The following PACRG variants were observed in gnomAD, a reference collection of about 807,000 sequenced individuals.
The protein encoded by PACRG is parkin coregulated, also known as parkin coregulated gene protein.
PACRG carries 29 observed loss-of-function variants against 29.7 expected under a neutral mutation model. The ratio of observed to expected loss-of-function variants is 0.98; its 90% CI spans 0.73 to 1.33. The LOEUF (loss-of-function observed/expected upper bound fraction) is 1.33, where lower values mean the gene tolerates loss of function less well. Ranked by LOEUF, PACRG falls within the 40% of genes most tolerant of loss-of-function variation. The pLI is 0.00. For synonymous variants in PACRG, 116 were observed against 118.7 expected, an observed-to-expected ratio of 0.98 and a Z score of 0.15; for missense variants, 279 against 316.2, an observed-to-expected ratio of 0.88 and a Z score of 0.89.
In PACRG at chr6:163,109,543, ATCTT is replaced by A. The variant is rs780272098; in HGVS notation, c.613+20137_613+20140del. Reference sequence around the variant, plus strand: ...CCTTTCTTCCTTTTGAAATATTTCTATCTTTATAATCTCTTAACATTATCTGAGT... The same window carrying A: ...CCTTTCTTCCTTTTGAAATATTTCTATATAATCTCTTAACATTATCTGAGT... On this transcript the variant is annotated intron_variant, in intron 4 of 4. Transcript: ENST00000366888. 2.0e-5 allele frequency among the ~76,000 whole-genome samples: 3 copies of A among 152,192 alleles called. No individual in the cohort carries two copies. In the East Asian group the frequency reaches 5.8e-4, roughly 29 times the overall value.
chr6:163,277,675 G>GTATCTA (rs890258580), intron 4 of PACRG, among the ~76,000 whole-genome samples: 19 of 146,216 alleles, frequency 1.3e-4, no homozygotes, highest in South Asian at 6.3e-4. Flanking sequence ...ATATATATCT[G>GTATCTA]TATCTATATC....
At chr6:163,005,107 T>G (rs1223054906) in intron 2 of PACRG, among the ~76,000 whole-genome samples, 1 of 152,074 alleles carries the variant, frequency 6.6e-6, no homozygotes, top group Non-Finnish European at 1.5e-5. Context: ...TCTTAATAAC[T>G]TCTCTTATTA....
At chr6:162,861,162 C>A (rs185024119) in intron 2 of PACRG, among the ~76,000 whole-genome samples, 27 of 152,314 alleles carry the variant, frequency 1.8e-4, no homozygotes, top group Non-Finnish European at 3.4e-4. Context: ...TAACTTCATA[C>A]ACATGCAAAG....
intron 1 of PACRG, among the ~76,000 whole-genome samples, chr6:162,813,657 T>C (rs1291307501): frequency 1.3e-5 from 2 of 152,170 alleles, no homozygotes; most frequent in Non-Finnish European, 2.9e-5. Flanking sequence ...TATATCATTT[T>C]AGTAGTTTTA....
At chr6:163,149,703 A>G (rs914900098) in intron 4 of PACRG, among the ~76,000 whole-genome samples, 56 of 151,922 alleles carry the variant, frequency 3.7e-4, no homozygotes, top group African/African-American at 1.2e-3. Flanking sequence ...CGCAGCCCCA[A>G]CCCAACACCT....
At chr6:162,801,425 C>T (rs1401354382) in intron 1 of PACRG, among the ~76,000 whole-genome samples, 2 of 152,004 alleles carry the variant, frequency 1.3e-5, no homozygotes, top group Non-Finnish European at 2.9e-5. Context: ...CTACATATTA[C>T]TATCTTATAC....
chr6:163,225,892 A>G (rs1661232475), intron 4 of PACRG, among the ~76,000 whole-genome samples: 2 of 152,202 alleles, frequency 1.3e-5, no homozygotes, highest in African/African-American at 4.8e-5. Context: ...AAAAAGAAGG[A>G]AATTGGCTGT....
At chr6:163,281,500 C>T (rs1174227015) in intron 4 of PACRG, among the ~76,000 whole-genome samples, 2 of 151,620 alleles carry the variant, frequency 1.3e-5, no homozygotes, top group East Asian at 1.9e-4. Flanking sequence ...AAAACATTGG[C>T]GTACAACTGC....
At chr6:163,022,100 T>C (rs1806685109) in intron 2 of PACRG, among the ~76,000 whole-genome samples, 1 of 152,210 alleles carries the variant, frequency 6.6e-6, no homozygotes, top group Non-Finnish European at 1.5e-5. Context: ...ACACACCTGC[T>C]GCTGCCACAG....
At chr6:163,277,266 C>CCTGAGT (rs1784063548) in intron 4 of PACRG, among the ~76,000 whole-genome samples, 1 of 151,956 alleles carries the variant, frequency 6.6e-6, no homozygotes, top group Non-Finnish European at 1.5e-5. Flanking sequence ...ACGTACCCTT[C>CCTGAGT]CCCCTGAGTC....
chr6:163,183,690 G>T (rs776854815), intron 4 of PACRG: 5 of 152,210 alleles, frequency 3.3e-5, no homozygotes, highest in Non-Finnish European at 5.9e-5. Flanking sequence ...AAGCTAATCA[G>T]TAGGCTTGAC....
rs1298844535 is a variant in PACRG at position 162,773,681 on chromosome 6, AT to A, written c.157-40459del. On this transcript the variant is annotated intron_variant, in intron 1 of 4. Coordinates refer to ENST00000366888, the MANE Select transcript of PACRG (RefSeq NM_001080379.2). ...AGGCGCCCGCCACCGCGCCCGGCTA[AT>A]TTTTTTGTATTTTTAGTAGAGACGG... Among the ~76,000 whole-genome samples, 11 of 151,328 alleles carry A rather than the reference AT, an allele frequency of 7.3e-5. 1 individual carries two copies. The highest frequency in any genetic ancestry group is 4.2e-4 in the South Asian group (2 of 4,788).
intron 2 of PACRG, among the ~76,000 whole-genome samples, chr6:162,999,932 A>G (rs1239943857): frequency 6.6e-6 from 1 of 152,240 alleles, no homozygotes; most frequent in Non-Finnish European, 1.5e-5. Flanking sequence ...AAACATAATT[A>G]CAAACACAAA....
At chr6:163,240,114 C>G (rs949012960) in intron 4 of PACRG, among the ~76,000 whole-genome samples, 2 of 152,002 alleles carry the variant, frequency 1.3e-5, no homozygotes, top group African/African-American at 2.4e-5. Context: ...GACGCTGGCT[C>G]GCGCACATGC....
chr6:162,771,155 G>T (rs898965571), intron 1 of PACRG, among the ~76,000 whole-genome samples: 7 of 152,028 alleles, frequency 4.6e-5, no homozygotes, highest in African/African-American at 1.7e-4. Context: ...TACCATTTTA[G>T]TTACTTTATG....
intron 4 of PACRG, among the ~76,000 whole-genome samples, chr6:163,299,684 G>T (rs1198753691): frequency 6.6e-6 from 1 of 152,174 alleles, no homozygotes; most frequent in Non-Finnish European, 1.5e-5. Flanking sequence ...TTCGAGACTA[G>T]CCTGGCCAAC....
At chr6:162,864,109 CG>C (rs1792097766) in intron 2 of PACRG, among the ~76,000 whole-genome samples, 1 of 152,052 alleles carries the variant, frequency 6.6e-6, no homozygotes. Flanking sequence ...TAAATCTCAC[CG>C]TCCAATAATT....
chr6:163,089,581 G>A (rs535305817), intron 4 of PACRG, among the ~76,000 whole-genome samples, 173 bp downstream of exon 4: 1 of 152,312 alleles, frequency 6.6e-6, no homozygotes, highest in South Asian at 2.1e-4. Context: ...TAGGGAAACA[G>A]TAAAGTTAAC....
At chr6:163,241,174 GA>G (rs777393126) in intron 4 of PACRG, among the ~76,000 whole-genome samples, 3 of 152,064 alleles carry the variant, frequency 2.0e-5, no homozygotes, top group Admixed American at 6.5e-5. Context: ...GAGAGGGGAA[GA>G]AAAAAGGTGA....
Sources: gnomAD v4.1 joint callset for allele counts (sites outside exome capture counted in the v4.1 genomes callset) on GRCh38, gnomAD v4.1.1 for gene constraint, MANE v1.5 for transcripts, NCBI Gene and HGNC (gene_info 2026-07-23, HGNC 2026-07-21) for gene names.